The following PCDH15 variants were observed in gnomAD, a reference collection of about 807,000 sequenced individuals.
PCDH15 encodes the protein protocadherin-15.
A neutral mutation model predicts 178.5 loss-of-function variants in PCDH15; 129 were observed. The observed-to-expected ratio is 0.72, with a 90% CI of 0.63 to 0.84. The LOEUF (loss-of-function observed/expected upper bound fraction) is 0.84, where lower values mean the gene tolerates loss of function less well. PCDH15 is among the 40% of genes least tolerant of loss of function. PCDH15 has a pLI of 0.00. For synonymous variants in PCDH15, 800 were observed against 732.0 expected (o/e 1.09, Z -1.50); for missense variants, 2,230 against 2,099.9 (o/e 1.06, Z -1.21).
chr10:55,081,869 C>A (rs1035992941), intron 2 of PCDH15, among the ~76,000 whole-genome samples: 1 of 152,050 alleles, frequency 6.6e-6, no homozygotes, highest in Admixed American at 6.6e-5. Flanking sequence ...GTCAATTCAG[C>A]AACAGTATGT....
chr10:54,081,447 T>C (rs1251243178), intron 16 of PCDH15, among the ~76,000 whole-genome samples: 2 of 152,092 alleles, frequency 1.3e-5, no homozygotes, highest in African/African-American at 4.8e-5. Flanking sequence ...AAACAGCTAA[T>C]TGTCTATGGT....
At chr10:54,044,895 A>G (rs935016822) in intron 18 of PCDH15, among the ~76,000 whole-genome samples, 1 of 152,142 alleles carries the variant, frequency 6.6e-6, no homozygotes, top group Non-Finnish European at 1.5e-5. Context: ...AGCTGAGGAC[A>G]CTGACTATTC....
chr10:55,314,027 T>C (rs1843659391), intron 1 of PCDH15, among the ~76,000 whole-genome samples: 2 of 151,890 alleles, frequency 1.3e-5, no homozygotes, highest in Admixed American at 6.6e-5. Flanking sequence ...TTTAGGCTTA[T>C]TAAGTTTAAA....
Position 54,951,707 on chromosome 10 carries a change from C to T in PCDH15, c.-79-54207G>A, listed in dbSNP as rs372518204. Among the ~76,000 whole-genome samples, 26 of 151,946 alleles carry T rather than the reference C, an allele frequency of 1.7e-4. 1 individual carries two copies. The highest frequency in any genetic ancestry group is 1.6e-3 in the Admixed American group (24 of 15,226). On this transcript the variant is annotated intron_variant, in intron 2 of 5. Transcript: ENST00000458638. Reference sequence around the variant, plus strand: ...AAGAATGAATGTTACTTTTGCTTTACATCCACTCTGACATTTGGTATTATC... The same window carrying T: ...AAGAATGAATGTTACTTTTGCTTTATATCCACTCTGACATTTGGTATTATC...
At chr10:53,866,224 A>T (rs1279442208) in intron 27 of PCDH15, among the ~76,000 whole-genome samples, 1 of 152,162 alleles carries the variant, frequency 6.6e-6, no homozygotes, top group African/African-American at 2.4e-5. Context: ...AAATGCTGAA[A>T]GTAATTTAAA....
chr10:53,863,251 G>T (rs78891460), intron 27 of PCDH15, among the ~76,000 whole-genome samples: 10,427 of 152,166 alleles, frequency 0.069, 608 homozygotes, highest in African/African-American at 0.15. Context: ...ATAGAAAAGA[G>T]ATTTAATGTC....
chr10:54,925,380 T>C lies in PCDH15; in HGVS notation c.-79-27880A>G, dbSNP rs557412267. Among the ~76,000 whole-genome samples, 19 of 152,280 alleles carry C rather than the reference T, an allele frequency of 1.2e-4. No homozygotes were observed. In the South Asian group the frequency reaches 3.7e-3, roughly 30 times the overall value. On this transcript the variant is annotated intron_variant, in intron 2 of 5. Transcript: ENST00000458638. ...TATATATTAAAGTTAGGTAGTATAA[T>C]GCCTCCAAATTTTTCTTTTTGCTTA...
intron 2 of PCDH15, among the ~76,000 whole-genome samples, chr10:55,108,919 C>T (rs1361690529): frequency 6.6e-6 from 1 of 152,124 alleles, no homozygotes; most frequent in East Asian, 1.9e-4. Flanking sequence ...GGATAGACAG[C>T]AGTCACTACC....
chr10:54,766,278 T>A (rs1216083532), intron 1 of PCDH15, among the ~76,000 whole-genome samples: 1 of 152,100 alleles, frequency 6.6e-6, no homozygotes, highest in Non-Finnish European at 1.5e-5. Flanking sequence ...GAGAAAGAGA[T>A]AAATTAGTGA....
intron 18 of PCDH15, among the ~76,000 whole-genome samples, chr10:54,058,783 T>TCCC (rs967459214): frequency 6.6e-6 from 1 of 151,812 alleles, no homozygotes; most frequent in African/African-American, 2.4e-5. Context: ...AACCTCTGCC[T>TCCC]CCTGGGTTCA....
At chr10:54,853,289 G>A (rs113395191) in intron 3 of PCDH15, among the ~76,000 whole-genome samples, 26,545 of 101,912 alleles carry the variant, frequency 0.26, 3,106 homozygotes, top group Admixed American at 0.3. Flanking sequence ...ATGTATGTGT[G>A]TATATATATA....
At chr10:53,920,858 A>C (rs1157240559) in intron 25 of PCDH15, among the ~76,000 whole-genome samples, 1 of 152,186 alleles carries the variant, frequency 6.6e-6, no homozygotes, top group African/African-American at 2.4e-5. Context: ...ACTCGTGAAG[A>C]TTCAACCAAG....
intron 3 of PCDH15, among the ~76,000 whole-genome samples, chr10:54,416,380 G>T (rs1243601831): frequency 6.6e-6 from 1 of 151,926 alleles, no homozygotes; most frequent in African/African-American, 2.4e-5. Context: ...GCAGTGTTTG[G>T]TTTTCTGTTC....
At chr10:54,417,315 T>A (rs74965285) in intron 3 of PCDH15, among the ~76,000 whole-genome samples, 8,597 of 152,276 alleles carry the variant, frequency 0.056, 329 homozygotes, top group Admixed American at 0.12. Context: ...GAATTTTTTT[T>A]AAATACTGGG....
At position 54,765,178 on chromosome 10, in the gene PCDH15, G is replaced by T. The variant is rs372791024; in HGVS notation, c.-29+35747C>A. Among the ~76,000 whole-genome samples the T allele has an allele frequency of 2.4e-4, 36 of 152,130 alleles. 1 individual carries two copies. In the East Asian group the frequency reaches 4.6e-3, roughly 20 times the overall value. ...TTAGACAAAATTTCACATAGGCCACGTGCATAAATATTTTTATGTTGCCAT... is the reference window on the plus strand; with the variant it reads ...TTAGACAAAATTTCACATAGGCCACTTGCATAAATATTTTTATGTTGCCAT... On this transcript the variant is annotated intron_variant, in intron 1 of 37. Coordinates refer to ENST00000644397, the MANE Select transcript of PCDH15 (RefSeq NM_001384140.1).
At chr10:54,061,556 A>C (rs192401560) in intron 18 of PCDH15, among the ~76,000 whole-genome samples, 6 of 151,810 alleles carry the variant, frequency 4.0e-5, no homozygotes, top group Non-Finnish European at 8.8e-5. Flanking sequence ...CAAAGATTTC[A>C]CTAATACATT....
chr10:55,386,573 T>A (rs1044710792), intron 2 of PCDH15, among the ~76,000 whole-genome samples: 4 of 152,066 alleles, frequency 2.6e-5, no homozygotes, highest in African/African-American at 9.7e-5. Flanking sequence ...AGGTGGAGGA[T>A]GTCCCTTTCA....
intron 3 of PCDH15, among the ~76,000 whole-genome samples, chr10:54,831,275 C>T (rs1189394893): frequency 6.6e-6 from 1 of 151,970 alleles, no homozygotes; most frequent in East Asian, 1.9e-4. Flanking sequence ...TTCATGGGAA[C>T]ATGAAATAAA....
At chr10:54,815,166 C>T (rs1351597529) in intron 3 of PCDH15, among the ~76,000 whole-genome samples, 1 of 150,152 alleles carries the variant, frequency 6.7e-6, no homozygotes, top group Non-Finnish European at 1.5e-5. Context: ...ATATTTGTGA[C>T]AAGTTGAAAA....
Sources: gnomAD v4.1 joint callset for allele counts (sites outside exome capture counted in the v4.1 genomes callset) on GRCh38, gnomAD v4.1.1 for gene constraint, MANE v1.5 for transcripts, NCBI Gene and HGNC (gene_info 2026-07-23, HGNC 2026-07-21) for gene names.